Variants in FAT3 observed in about 807,000 individuals in gnomAD.
FAT3 encodes the protein protocadherin Fat 3.
A neutral mutation model predicts 310.2 loss-of-function variants in FAT3; 95 were observed. The observed-to-expected ratio is 0.31, with a 90% CI of 0.26 to 0.36. The LOEUF is 0.36. Ranked by LOEUF, FAT3 falls within the 10% of genes least tolerant of loss-of-function variation. FAT3 has a pLI of 1.00. For synonymous variants in FAT3, 2,314 were observed against 2,192.9 expected, an observed-to-expected ratio of 1.06 and a Z score of -1.54; for missense variants, 5,408 against 5,715.6, an observed-to-expected ratio of 0.95 and a Z score of 1.74.
chr11:92,697,473 A>G, intron 4 of FAT3, 28 bp downstream of exon 4: 11 of 1,610,060 alleles, frequency 6.8e-6, no homozygotes, highest in Non-Finnish European at 9.3e-6. Context: ...ACTGAAATTC[A>G]TTAAAACTGA....
At chr11:92,718,355 T>G (rs1236744040) in intron 4 of FAT3, among the ~76,000 whole-genome samples, 1 of 151,958 alleles carries the variant, frequency 6.6e-6, no homozygotes, top group Non-Finnish European at 1.5e-5. Context: ...GAGATGAGCT[T>G]GGGGTTATAT....
At chr11:92,230,768 G>T (rs757227930) in intron 1 of FAT3, among the ~76,000 whole-genome samples, 2 of 152,166 alleles carry the variant, frequency 1.3e-5, no homozygotes, top group Non-Finnish European at 2.9e-5. Flanking sequence ...TACACTAGAA[G>T]TCACATCTAA....
At position 92,801,412 on chromosome 11, in the gene FAT3, T is replaced by G; in HGVS notation, c.8399T>G (p.Val2800Gly). The change falls in exon 10 of 28, where the codon GTA (valine) becomes GGA (glycine). Residue 2800 changes from valine (V) to glycine (G), a missense_variant. Physicochemically the swap from Val to Gly is moderately radical, Grantham distance 109. Around this residue, in one of 5 missense-constraint regions of FAT3, gnomAD observed 4,588 missense variants for 4,809.8 expected, o/e 0.95. Transcript: ENST00000525166. ...GTAGACATTGTGTTTACTGTGGATG[T>G]AGATATCAAGGTATTGGATTTGAAT... is the stretch of plus-strand genomic sequence containing the variant. Reference protein sequence around the residue: ...DKVDIVFTVDVDIKVLDLNDN... With the variant: ...DKVDIVFTVDGDIKVLDLNDN... The G allele has an allele frequency of 6.2e-7, 1 of 1,613,904 alleles. No homozygotes were observed. The highest frequency in any genetic ancestry group is 8.5e-7 in the Non-Finnish European group (1 of 1,179,870).
chr11:92,777,342 T>TCCCC (rs1946624453), intron 7 of FAT3, among the ~76,000 whole-genome samples: 2 of 152,316 alleles, frequency 1.3e-5, no homozygotes, highest in Middle Eastern at 3.4e-3. Context: ...AACCCTTCCC[T>TCCCC]CACCTTCAGT....
At chr11:92,713,785 T>G (rs1183607808) in intron 4 of FAT3, among the ~76,000 whole-genome samples, 1 of 152,236 alleles carries the variant, frequency 6.6e-6, no homozygotes, top group Non-Finnish European at 1.5e-5. Context: ...ATCAAAAACA[T>G]AATAGTATGT....
intron 1 of FAT3, among the ~76,000 whole-genome samples, chr11:92,306,197 T>C (rs934129181): frequency 1.3e-5 from 2 of 151,940 alleles, no homozygotes; most frequent in African/African-American, 4.8e-5. Context: ...AAGCCTGTGA[T>C]AGATTTCCCT....
At chr11:92,493,608 G>A (rs1952668538) in intron 2 of FAT3, among the ~76,000 whole-genome samples, 1 of 152,062 alleles carries the variant, frequency 6.6e-6, no homozygotes, top group African/African-American at 2.4e-5. Flanking sequence ...TTCTTCCCAT[G>A]TGTCACATAG....
chr11:92,414,633 C>T lies in FAT3; in HGVS notation c.3292+59229C>T, dbSNP rs547224781. 2.0e-5 allele frequency among the ~76,000 whole-genome samples: 3 copies of T among 152,286 alleles called. No homozygotes were observed. In the South Asian group the frequency reaches 6.2e-4, roughly 32 times the overall value. ...CTTGGATGATTTTCTTTCTTGGAAA[C>T]ATGGTTGACAAAGCTATACAATAAA... On this transcript the variant is annotated intron_variant, in intron 2 of 27. Transcript: ENST00000525166.
intron 1 of FAT3, among the ~76,000 whole-genome samples, chr11:92,267,642 A>G (rs1946005853): frequency 6.6e-6 from 1 of 152,152 alleles, no homozygotes; most frequent in Admixed American, 6.6e-5. Flanking sequence ...CTCACCTCCT[A>G]TCCATTTTTT....
chr11:92,731,237 A>G (rs901624997), intron 4 of FAT3, among the ~76,000 whole-genome samples: 2 of 152,172 alleles, frequency 1.3e-5, no homozygotes, highest in African/African-American at 4.8e-5. Flanking sequence ...TGAATAGATC[A>G]TTTGTTCATT....
At chr11:92,854,412 G>C (rs1295821727) in intron 19 of FAT3, among the ~76,000 whole-genome samples, 1 of 152,106 alleles carries the variant, frequency 6.6e-6, no homozygotes, top group Non-Finnish European at 1.5e-5. Context: ...ACTCAGTAGG[G>C]GGGTGGGGCT....
intron 3 of FAT3, among the ~76,000 whole-genome samples, chr11:92,612,760 A>G (rs924600852): frequency 6.6e-6 from 1 of 152,156 alleles, no homozygotes; most frequent in Non-Finnish European, 1.5e-5. Context: ...ATGGCAGTGG[A>G]TGGAGGAATC....
chr11:92,361,939 A>G lies in FAT3; in HGVS notation c.3292+6535A>G, dbSNP rs953841039. Among the ~76,000 whole-genome samples, 9 of 152,378 alleles carry G rather than the reference A, an allele frequency of 5.9e-5. No homozygotes were observed. The East Asian group carries it at 1.5e-3, about 26-fold the overall frequency. Reference sequence around the variant, plus strand: ...AAGAGATGATGCTGGTAACAGTGGCAGCAGTGGTTAACATCTACTGAGCAC... The same window carrying G: ...AAGAGATGATGCTGGTAACAGTGGCGGCAGTGGTTAACATCTACTGAGCAC... On this transcript the variant is annotated intron_variant, in intron 2 of 27. Transcript: ENST00000525166.
At chr11:92,649,503 T>A (rs527695693) in intron 3 of FAT3, among the ~76,000 whole-genome samples, 1 of 152,206 alleles carries the variant, frequency 6.6e-6, no homozygotes, top group Non-Finnish European at 1.5e-5. Flanking sequence ...TTTTAGCTGC[T>A]GTTGAGGACT....
chr11:92,434,347 G>T (rs922946522), intron 2 of FAT3, among the ~76,000 whole-genome samples: 2 of 152,124 alleles, frequency 1.3e-5, no homozygotes, highest in South Asian at 2.1e-4. Flanking sequence ...TAAAAAGGGC[G>T]CATGTCTTAC....
chr11:92,348,354 T>C (rs773487975), intron 1 of FAT3, among the ~76,000 whole-genome samples: 7 of 152,204 alleles, frequency 4.6e-5, no homozygotes, highest in Non-Finnish European at 1.0e-4. Flanking sequence ...ATTCCAGCAA[T>C]GTATCTTGCT....
chr11:92,458,199 T>C (rs888370069), intron 2 of FAT3, among the ~76,000 whole-genome samples: 5 of 152,230 alleles, frequency 3.3e-5, no homozygotes, highest in Admixed American at 3.3e-4. Flanking sequence ...ATATTTTATC[T>C]AATGGAATTT....
chr11:92,543,888 G>A (rs1954530422), intron 3 of FAT3, among the ~76,000 whole-genome samples: 2 of 152,144 alleles, frequency 1.3e-5, no homozygotes, highest in South Asian at 4.1e-4. Flanking sequence ...AGATAGGTAA[G>A]GTCTGTCTGT....
rs769553377 is a variant in FAT3 at position 92,880,721 on chromosome 11, G to T, written c.12128-10G>T. ...GCATCCATGGCTCATGAGGTCCTCT[G>T]TTTCCCCAGGCTATCAGTGTACCTG... is the stretch of plus-strand genomic sequence containing the variant. On this transcript the variant is annotated splice_polypyrimidine_tract_variant and intron_variant, in intron 22 of 27. Transcript: ENST00000525166. 1.2e-6 allele frequency: 2 copies of T among 1,610,862 alleles called. No homozygotes were observed. The highest frequency in any genetic ancestry group is 1.7e-6 in the Non-Finnish European group (2 of 1,178,492).
Sources: allele counts gnomAD v4.1 joint callset (sites outside exome capture counted in the v4.1 genomes callset), GRCh38; gene constraint gnomAD v4.1.1; regional missense constraint gnomAD v4.1.1; transcripts MANE v1.5; gene names NCBI Gene and HGNC (gene_info 2026-07-23, HGNC 2026-07-21).